Variants in ZNF596 observed in about 807,000 individuals in gnomAD.
ZNF596 encodes zinc finger protein 596.
In ZNF596, 45 loss-of-function variants were observed where a neutral mutation model predicts 48.3. The ratio of observed to expected loss-of-function variants is 0.93; its 90% CI spans 0.73 to 1.19. The LOEUF is 1.19. Among genes scored for constraint, ZNF596 ranks in the 50% most tolerant of loss-of-function variants. ZNF596 has a pLI of 0.00. For synonymous variants in ZNF596, 270 were observed against 202.0 expected (o/e 1.34, Z -2.85); for missense variants, 848 against 599.7 (o/e 1.41, Z -4.32).
chr8:247,334 A>T lies in ZNF596; in HGVS notation c.*972A>T, dbSNP rs563165466. 2 of 152,354 alleles carry T rather than the reference A, an allele frequency of 1.3e-5. No individual in the cohort carries two copies. Among genetic ancestry groups the T allele is most frequent in the East Asian group, 3.9e-4 (2 of 5,188 alleles). The allele number at this position is 152,354 out of a possible 1,614,324, so 9.4% of individuals were successfully genotyped here. A position where few individuals can be genotyped will look rare whatever the true frequency, so the allele number is the denominator to read the frequency against. On this transcript the variant is annotated 3_prime_UTR_variant, in exon 6 of 6. Coordinates refer to ENST00000398612, the MANE Select transcript of ZNF596 (RefSeq NM_001042416.3). ...TAATAAGATTAAATTAGTACTGTCAAAAATACAAGCATTAAGTGTTGTTGC... is the reference window on the plus strand; with the variant it reads ...TAATAAGATTAAATTAGTACTGTCATAAATACAAGCATTAAGTGTTGTTGC...
intron 1 of ZNF596, chr8:237,027 A>G (rs1451196250): frequency 6.6e-6 from 1 of 152,236 alleles, no homozygotes; most frequent in Non-Finnish European, 1.5e-5. Context: ...TTAAACTCTG[A>G]TATATAACTT....
intron 2 of ZNF596, 74 bp downstream of exon 2, chr8:240,981 A>G: frequency 6.4e-7 from 1 of 1,565,498 alleles, no homozygotes; most frequent in South Asian, 1.1e-5. Context: ...CATCCTATTA[A>G]CATGGATGTT....
At chr8:237,875 T>G (rs917884867) in intron 1 of ZNF596, among the ~76,000 whole-genome samples, 1 of 152,236 alleles carries the variant, frequency 6.6e-6, no homozygotes, top group African/African-American at 2.4e-5. Flanking sequence ...CTCCATGGCC[T>G]GGCTGAGCTT....
upstream of ZNF596, chr8:232,263 G>C (rs558282427): frequency 6.1e-6 from 1 of 164,650 alleles, no homozygotes; most frequent in East Asian, 1.9e-4. Context: ...GGGGGCGGGA[G>C]GTCGGTAAGC....
At chr8:243,443 A>G (rs1796934677) in intron 3 of ZNF596, 1 of 354,674 alleles carries the variant, frequency 2.8e-6, no homozygotes, top group East Asian at 5.1e-5. Context: ...TACTATGACA[A>G]TTTGTAATTT....
chr8:240,797 T>C, intron 1 of ZNF596, 27 bp from the exon 2 acceptor site: 19 of 1,480,706 alleles, frequency 1.3e-5, no homozygotes, highest in Non-Finnish European at 1.6e-5. Flanking sequence ...TCATGGTTTT[T>C]TTGTTTTTGT....
chr8:241,051 C>A, intron 2 of ZNF596, 144 bp downstream of exon 2: 3 of 1,034,772 alleles, frequency 2.9e-6, no homozygotes, highest in Non-Finnish European at 4.5e-6. Flanking sequence ...GGAATGTTTA[C>A]ATTGGCTCAA....
rs1301227137 is a variant in ZNF596 at position 232,654 on chromosome 8, T to G, written c.-113T>G. The stretch of plus-strand genomic sequence containing the variant: ...CCCCTGTCCGGCCCTTCCACCCTAG[T>G]TCTCTTCACCGTCCGCCCATCCTAT... On this transcript the variant is annotated 5_prime_UTR_variant, in exon 1 of 6. Transcript: ENST00000398612. The G allele has an allele frequency of 2.2e-5, 8 of 371,658 alleles. No individual in the cohort carries two copies. The highest frequency in any genetic ancestry group is 3.9e-5 in the Non-Finnish European group (7 of 181,374). The allele number at this position is 371,658 out of a possible 1,614,324, so 23.0% of individuals were successfully genotyped here.
At chr8:243,365 C>G in intron 3 of ZNF596, 2 of 287,140 alleles carry the variant, frequency 7.0e-6, no homozygotes, top group East Asian at 7.1e-5. Flanking sequence ...AGGGACTGTT[C>G]TGCACAGAAC....
rs553251639 is a variant in ZNF596, at chr8:241,770, T to C, written c.12+863T>C. On this transcript the variant is annotated intron_variant, in intron 2 of 5. Coordinates refer to ENST00000398612, the MANE Select transcript of ZNF596 (RefSeq NM_001042416.3). Reference sequence around the variant, plus strand: ...CACACCGCTATAAAAAACTACCTGATAGTGGGTAATTTATGAAGAAAAGAA... The same window carrying C: ...CACACCGCTATAAAAAACTACCTGACAGTGGGTAATTTATGAAGAAAAGAA... Among the ~76,000 whole-genome samples, 19 of 152,250 alleles carry C rather than the reference T, an allele frequency of 1.2e-4. No individual in the cohort carries two copies. The South Asian group carries it at 3.9e-3, about 32-fold the overall frequency.
At position 246,412 on chromosome 8, in the gene ZNF596, T is replaced by C. The variant is rs555446084; in HGVS notation, c.*50T>C. Reference sequence around the variant, plus strand: ...CTAAATACACCAAGGACAAACATACTACAGGAATATTATGTCTGTAATCAG... The same window carrying C: ...CTAAATACACCAAGGACAAACATACCACAGGAATATTATGTCTGTAATCAG... On this transcript the variant is annotated 3_prime_UTR_variant, in exon 6 of 6. Transcript: ENST00000398612. 18 of 1,522,056 alleles carry C rather than the reference T, an allele frequency of 1.2e-5. No homozygotes were observed. In the South Asian group the frequency reaches 2.3e-4, roughly 19 times the overall value. The allele number at this position is 1,522,056 out of a possible 1,614,324, so 94.3% of individuals were successfully genotyped here.
In ZNF596 at chr8:246,036, G is replaced by C. The variant is rs769509507; in HGVS notation, c.1189G>C (p.Gly397Arg). ...GEKPYECHVCGKAFTESSDLR... is the reference protein window; with the variant it reads ...GEKPYECHVCRKAFTESSDLR... ...GAAACCATATGAGTGCCATGTATGT[G>C]GGAAAGCCTTCACTGAATCTTCTGA... The change falls in exon 6 of 6, where the codon GGG becomes CGG. Residue 397 changes from glycine to arginine, a missense_variant. Transcript: ENST00000398612. The C allele has an allele frequency of 6.2e-6, 10 of 1,614,154 alleles. No individual in the cohort carries two copies. The highest frequency in any genetic ancestry group is 8.5e-6 in the Non-Finnish European group (10 of 1,180,026).
In ZNF596 at chr8:242,835, G is replaced by A. The variant is rs1796908379; in HGVS notation, c.13-52G>A. Reference sequence around the variant, plus strand: ...ACAGTCACTTTGATCTTGCTCCACTGAACATTGGCAGAGATAGCCCTGTTT... The same window carrying A: ...ACAGTCACTTTGATCTTGCTCCACTAAACATTGGCAGAGATAGCCCTGTTT... On this transcript the variant is annotated intron_variant, in intron 2 of 5. Coordinates refer to ENST00000398612, the MANE Select transcript of ZNF596 (RefSeq NM_001042416.3). 5.7e-6 allele frequency: 8 copies of A among 1,413,214 alleles called. No individual in the cohort carries two copies. In the Admixed American group the frequency reaches 1.9e-4, roughly 33 times the overall value. 87.5% of individuals were successfully genotyped at this position (1,413,214 alleles called of 1,614,324 possible).
intron 1 of ZNF596, among the ~76,000 whole-genome samples, chr8:239,882 G>A (rs1182867187): frequency 6.6e-6 from 1 of 151,940 alleles, no homozygotes. Flanking sequence ...TGGTCTTTCA[G>A]GTGATCACCC....
rs1796957098 is a variant in ZNF596 at position 243,934 on chromosome 8, CT to C, written c.223+130del. 3.7e-5 allele frequency: 27 copies of C among 721,306 alleles called. 1 individual carries two copies. In the South Asian group the frequency reaches 4.5e-4, roughly 12 times the overall value. 44.7% of individuals were successfully genotyped at this position (721,306 alleles called of 1,614,324 possible). A position where few individuals can be genotyped will look rare whatever the true frequency, so the allele number is the denominator to read the frequency against. On this transcript the variant is annotated intron_variant, in intron 4 of 5. Transcript: ENST00000398612. ...ACAGAATCTCACTCTGTCACCCAGGCTGGAGTGCAGTGGCGTGATCTCGGCT... is the reference window on the plus strand; with the variant it reads ...ACAGAATCTCACTCTGTCACCCAGGCGGAGTGCAGTGGCGTGATCTCGGCT...
intron 5 of ZNF596, 118 bp downstream of exon 5, chr8:244,819 T>C: frequency 1.2e-6 from 1 of 844,476 alleles, no homozygotes; most frequent in East Asian, 2.6e-5. Context: ...TTTTAGATAG[T>C]TTGGATTTAG....
At chr8:240,042 G>C (rs1231114335) in intron 1 of ZNF596, among the ~76,000 whole-genome samples, 1 of 152,210 alleles carries the variant, frequency 6.6e-6, no homozygotes, top group African/African-American at 2.4e-5. Context: ...CTGTTGCTTA[G>C]GAAATTACAA....
chr8:246,022 A>G lies in ZNF596; in HGVS notation c.1175A>G (p.Glu392Gly). ...ERIHTGEKPY[E>G]CHVCGKAFTE... The stretch of plus-strand genomic sequence containing the variant: ...ATTCACACTGGAGAGAAACCATATG[A>G]GTGCCATGTATGTGGGAAAGCCTTC... The change falls in exon 6 of 6, where the codon GAG (glutamate) becomes GGG (glycine). Residue 392 changes from glutamate (E) to glycine (G), a missense_variant. Glu to Gly is a moderately conservative substitution (Grantham distance 98). Coordinates refer to ENST00000398612, the MANE Select transcript of ZNF596 (RefSeq NM_001042416.3). The G allele has an allele frequency of 6.2e-7, 1 of 1,612,288 alleles. No individual in the cohort carries two copies. The highest frequency in any genetic ancestry group is 8.5e-7 in the Non-Finnish European group (1 of 1,179,540).
At position 246,415 on chromosome 8, in the gene ZNF596, A is replaced by G; in HGVS notation, c.*53A>G. ...AATACACCAAGGACAAACATACTAC[A>G]GGAATATTATGTCTGTAATCAGTGT... On this transcript the variant is annotated 3_prime_UTR_variant, in exon 6 of 6. Coordinates refer to ENST00000398612, the MANE Select transcript of ZNF596 (RefSeq NM_001042416.3). 1.3e-6 allele frequency: 2 copies of G among 1,520,084 alleles called. No homozygotes were observed. The highest frequency in any genetic ancestry group is 1.8e-6 in the Non-Finnish European group (2 of 1,140,608). The allele number at this position is 1,520,084 out of a possible 1,614,324, so 94.2% of individuals were successfully genotyped here. A position where few individuals can be genotyped will look rare whatever the true frequency, so the allele number is the denominator to read the frequency against.
Sources: gnomAD v4.1 joint callset for allele counts (sites outside exome capture counted in the v4.1 genomes callset) on GRCh38, gnomAD v4.1.1 for gene constraint, MANE v1.5 for transcripts, NCBI Gene and HGNC (gene_info 2026-07-23, HGNC 2026-07-21) for gene names.